Variants in SH2B1 observed in about 807,000 individuals in gnomAD.
SH2B1 encodes the protein SH2B adaptor protein 1, also known as SH2B adapter protein 1.
A neutral mutation model predicts 62.6 loss-of-function variants in SH2B1; 15 were observed. That is an observed-to-expected ratio of 0.24 (90% CI 0.16 to 0.37). The LOEUF (loss-of-function observed/expected upper bound fraction) is 0.37. Among genes scored for constraint, SH2B1 ranks in the 10% least tolerant of loss-of-function variants. The pLI, the probability that SH2B1 is intolerant of heterozygous loss-of-function variation, is 1.00. For missense variants in SH2B1, 925 were observed against 1,015.6 expected, an observed-to-expected ratio of 0.91 and a Z score of 1.21; for synonymous variants, 443 against 438.0, an observed-to-expected ratio of 1.01 and a Z score of -0.14.
Position 28,866,231 on chromosome 16 carries a change from G to A in SH2B1, c.137G>A (p.Arg46His), listed in dbSNP as rs1181457401. 12 of 1,609,970 alleles carry A rather than the reference G, an allele frequency of 7.5e-6. No individual in the cohort carries two copies. The highest frequency in any genetic ancestry group is 9.3e-6 in the Non-Finnish European group (11 of 1,179,252). ...GCTCTGGACTTTGCCCGCCGTTTTC[G>A]CCTCTACCTGGCCTCCCACCCCCAA... ...AAALDFARRF[R>H]LYLASHPQYA... The change falls in exon 1 of 8, where the codon CGC becomes CAC. Residue 46 changes from arginine (R) to histidine (H), a missense_variant. Arg to His is a conservative substitution (Grantham distance 29, BLOSUM62 0). Around this residue, in one of 3 missense-constraint regions of SH2B1, gnomAD observed 683 missense variants for 704.0 expected, o/e 0.97. Coordinates refer to ENST00000684370, the MANE Select transcript of SH2B1 (RefSeq NM_001387430.1). This position sits in a 1 kb window ranked among gnomAD's most constrained non-coding sequence, Gnocchi z 6.3.
chr16:28,867,076 A>C, intron 1 of SH2B1, 43 bp downstream of exon 1: 1 of 1,597,442 alleles, frequency 6.3e-7, no homozygotes, highest in East Asian at 2.2e-5. Context: ...CAAGTGAGAG[A>C]GTGCTCAGAG....
At position 28,865,351 on chromosome 16, in the gene SH2B1, T is replaced by G; in HGVS notation, c.-744T>G. 1.0e-6 allele frequency: 1 copy of G among 985,670 alleles called. No individual in the cohort carries two copies. Among genetic ancestry groups the G allele is most frequent in the Non-Finnish European group, 1.2e-6 (1 of 830,014 alleles). The allele number at this position is 985,670 out of a possible 1,614,324, so 61.1% of individuals were successfully genotyped here. On this transcript the variant is annotated 5_prime_UTR_variant, in exon 1 of 8. Coordinates refer to ENST00000684370, the MANE Select transcript of SH2B1 (RefSeq NM_001387430.1). ...GCTTTCAAGACAATTACTGTTTTGG[T>G]CCATCATGCATCCATCCTCATTAAT...
chr16:28,849,957 A>C (rs1221321312), intron 1 of SH2B1, among the ~76,000 whole-genome samples: 1 of 152,072 alleles, frequency 6.6e-6, no homozygotes, highest in Non-Finnish European at 1.5e-5. Context: ...TGTGGTATGA[A>C]TATATGGCAA....
At position 28,869,335 on chromosome 16, in the gene SH2B1, C is replaced by G; in HGVS notation, c.1261C>G (p.Gln421Glu). ...CLNHSESLPS[Q>E]DLLLGPSESN... ...GAATCACTCGGAGAGTCTACCCAGC[C>G]AGGACCTGCTGCTTGGACCCAGCGA... Residue 421 changes from glutamine to glutamate, a missense_variant, in exon 4 of 8, where the codon CAG (glutamine) becomes GAG (glutamate). Gln to Glu is a conservative substitution (Grantham distance 29). Around this residue, in one of 3 missense-constraint regions of SH2B1, gnomAD observed 683 missense variants for 704.0 expected, o/e 0.97. Coordinates refer to ENST00000684370, the MANE Select transcript of SH2B1 (RefSeq NM_001387430.1). 1 of 1,614,136 alleles carries G rather than the reference C, an allele frequency of 6.2e-7. No individual in the cohort carries two copies. The highest frequency in any genetic ancestry group is 8.5e-7 in the Non-Finnish European group (1 of 1,180,024).
intron 1 of SH2B1, among the ~76,000 whole-genome samples, chr16:28,853,379 A>T: frequency 6.7e-6 from 1 of 150,176 alleles, no homozygotes; most frequent in East Asian, 2.0e-4. Flanking sequence ...AATTTTTTGT[A>T]GTTTTAGTGG....
intron 1 of SH2B1, among the ~76,000 whole-genome samples, chr16:28,852,209 T>TATATATATTTACATATATATATTTAC (rs1962117529): frequency 1.3e-5 from 1 of 78,816 alleles, no homozygotes; most frequent in African/African-American, 6.7e-5. Context: ...TATATTTACA[T>TATATATATTTACATATATATATTTAC]ATATATATTT....
intron 1 of SH2B1, among the ~76,000 whole-genome samples, chr16:28,847,664 T>G (rs1408715840): frequency 6.6e-6 from 1 of 151,324 alleles, no homozygotes; most frequent in African/African-American, 2.4e-5. Flanking sequence ...AAAAAAAAAT[T>G]TAAAATTAGC....
chr16:28,873,184 G>A lies in SH2B1; in HGVS notation c.1898-263G>A, dbSNP rs776610624. On this transcript the variant is annotated intron_variant, in intron 7 of 7. Coordinates refer to ENST00000684370, the MANE Select transcript of SH2B1 (RefSeq NM_001387430.1). This position sits in a 1 kb window ranked among gnomAD's most constrained non-coding sequence, Gnocchi z 4.2. ...CCTCCCCCCAGGCCGGGAGCAGGCT[G>A]GGAGCCATGCGGGGGTGTGCGAGGG... 40 of 1,578,956 alleles carry A rather than the reference G, an allele frequency of 2.5e-5. No individual in the cohort carries two copies. The highest frequency in any genetic ancestry group is 3.1e-5 in the Non-Finnish European group (36 of 1,169,236).
upstream of SH2B1, chr16:28,863,569 C>A: frequency 1.9e-6 from 2 of 1,071,544 alleles, no homozygotes; most frequent in Non-Finnish European, 1.3e-6. Context: ...AAGGCCGGTT[C>A]TCTATGGTCG....
Position 28,866,050 on chromosome 16 carries a change from C to G in SH2B1, c.-45C>G. 4 of 1,507,260 alleles carry G rather than the reference C, an allele frequency of 2.7e-6. No homozygotes were observed. The highest frequency in any genetic ancestry group is 2.3e-5 in the East Asian group (1 of 44,006). The allele number at this position is 1,507,260 out of a possible 1,614,324, so 93.4% of individuals were successfully genotyped here. On this transcript the variant is annotated 5_prime_UTR_variant, in exon 1 of 8. Coordinates refer to ENST00000684370, the MANE Select transcript of SH2B1 (RefSeq NM_001387430.1). The surrounding 1 kb of genome is among the most constrained non-coding windows in gnomAD (Gnocchi z 6.3). Reference sequence around the variant, plus strand: ...CCCCTCGTCTTCTGGCTGCCTCCCTCTTTGTGCCCCACAGGCTCCCCCTCT... The same window carrying G: ...CCCCTCGTCTTCTGGCTGCCTCCCTGTTTGTGCCCCACAGGCTCCCCCTCT...
At chr16:28,867,936 C>T (rs997499052) in intron 2 of SH2B1, among the ~76,000 whole-genome samples, 4 of 151,190 alleles carry the variant, frequency 2.6e-5, no homozygotes, top group Non-Finnish European at 4.4e-5. Flanking sequence ...TCAAGCGATT[C>T]TTGTGCCTCA....
Position 28,864,880 on chromosome 16 carries a change from C to A in SH2B1, c.-1215C>A. On this transcript the variant is annotated 5_prime_UTR_variant, in exon 1 of 8. Coordinates refer to ENST00000684370, the MANE Select transcript of SH2B1 (RefSeq NM_001387430.1). ...CAGCGGATGCTTACTTTGCGTTCAG[C>A]GCTGACATACCCCATTCCATGTAAT... 4.6e-6 allele frequency: 1 copy of A among 216,936 alleles called. No homozygotes were observed. The highest frequency in any genetic ancestry group is 7.9e-6 in the Non-Finnish European group (1 of 127,322). 13.4% of individuals were successfully genotyped at this position (216,936 alleles called of 1,614,324 possible). A position where few individuals can be genotyped will look rare whatever the true frequency, so the allele number is the denominator to read the frequency against.
At chr16:28,854,650 G>A (rs1001802141) in intron 1 of SH2B1, among the ~76,000 whole-genome samples, 6 of 152,062 alleles carry the variant, frequency 3.9e-5, no homozygotes, top group Non-Finnish European at 7.4e-5. Context: ...CAACTACTTG[G>A]AAGGCTGAGG....
chr16:28,868,203 G>A (rs1437215621), intron 2 of SH2B1, among the ~76,000 whole-genome samples: 2 of 151,266 alleles, frequency 1.3e-5, no homozygotes, highest in Admixed American at 6.6e-5. Context: ...GCAGTGGCGC[G>A]ATCTCGACTC....
upstream of SH2B1, chr16:28,863,729 C>T: frequency 2.6e-6 from 4 of 1,535,698 alleles, no homozygotes; most frequent in Non-Finnish European, 3.5e-6. Context: ...CTCCTGGGGT[C>T]GGCGCCGAGT....
At chr16:28,853,382 T>G (rs2152159359) in intron 1 of SH2B1, among the ~76,000 whole-genome samples, 1 of 150,546 alleles carries the variant, frequency 6.6e-6, no homozygotes, top group South Asian at 2.1e-4. Context: ...TTTTTGTAGT[T>G]TTAGTGGAGA....
In SH2B1 at chr16:28,866,030, C is replaced by T. The variant is rs1962664826; in HGVS notation, c.-65C>T. On this transcript the variant is annotated 5_prime_UTR_variant, in exon 1 of 8. Transcript: ENST00000684370. This position sits in a 1 kb window ranked among gnomAD's most constrained non-coding sequence, Gnocchi z 6.3. ...TTCGCAGCTGCTGCCGCCCACCCCT[C>T]GTCTTCTGGCTGCCTCCCTCTTTGT... 1.0e-5 allele frequency: 15 copies of T among 1,503,316 alleles called. No homozygotes were observed. Among genetic ancestry groups the T allele is most frequent in the South Asian group, 5.3e-5 (4 of 75,388 alleles). The allele number at this position is 1,503,316 out of a possible 1,614,324, so 93.1% of individuals were successfully genotyped here.
In SH2B1 at chr16:28,872,990, C is replaced by T; in HGVS notation, c.1897+285C>T. 1 of 638,796 alleles carries T rather than the reference C, an allele frequency of 1.6e-6. No individual in the cohort carries two copies. The highest frequency in any genetic ancestry group is 2.7e-6 in the Non-Finnish European group (1 of 369,358). 39.6% of individuals were successfully genotyped at this position (638,796 alleles called of 1,614,324 possible). On this transcript the variant is annotated intron_variant, in intron 7 of 7. Coordinates refer to ENST00000684370, the MANE Select transcript of SH2B1 (RefSeq NM_001387430.1). The surrounding 1 kb of genome is among the most constrained non-coding windows in gnomAD (Gnocchi z 5.3). ...CCTCTGTTCCATTGTCTGTCTGTCT[C>T]CTGGACCCATCCTGGCCTCGTCTTT...
At position 28,873,194 on chromosome 16, in the gene SH2B1, C is replaced by CG. The variant is rs1567472613; in HGVS notation, c.1898-248dup. On this transcript the variant is annotated intron_variant, in intron 7 of 7. Transcript: ENST00000684370. The surrounding 1 kb of genome is among the most constrained non-coding windows in gnomAD (Gnocchi z 4.2). ...GGCCGGGAGCAGGCTGGGAGCCATG[C>CG]GGGGGTGTGCGAGGGAGATGGATGC... 6.3e-7 allele frequency: 1 copy of CG among 1,591,758 alleles called. No homozygotes were observed. Among genetic ancestry groups the CG allele is most frequent in the Admixed American group, 1.8e-5 (1 of 56,942 alleles).
Sources: allele counts gnomAD v4.1 joint callset (sites outside exome capture counted in the v4.1 genomes callset), GRCh38; gene constraint gnomAD v4.1.1; regional missense constraint gnomAD v4.1.1; non-coding constraint Gnocchi (gnomAD v3.1); transcripts MANE v1.5; gene names NCBI Gene and HGNC (gene_info 2026-07-23, HGNC 2026-07-21).